Variants in ARHGAP22 observed in about 807,000 individuals in gnomAD.
ARHGAP22 encodes the protein rho GTPase-activating protein 22.
A neutral mutation model predicts 59.1 loss-of-function variants in ARHGAP22; 48 were observed. That is an observed-to-expected ratio of 0.81 (90% CI 0.64 to 1.03). The LOEUF (loss-of-function observed/expected upper bound fraction) is 1.03. Among genes scored for constraint, ARHGAP22 ranks in the 50% least tolerant of loss-of-function variants. The pLI, the probability that ARHGAP22 is intolerant of heterozygous loss-of-function variation, is 0.00. For missense variants in ARHGAP22, 1,015 were observed against 958.7 expected (o/e 1.06, Z -0.78); for synonymous variants, 445 against 416.4 (o/e 1.07, Z -0.84).
At chr10:48,461,485 CAG>C (rs1408567223) in intron 4 of ARHGAP22, among the ~76,000 whole-genome samples, 1 of 152,108 alleles carries the variant, frequency 6.6e-6, no homozygotes, top group African/African-American at 2.4e-5. Context: ...GAAAAGAAAT[CAG>C]AGAGAGAATG....
chr10:48,562,354 T>C (rs2057746755), intron 2 of ARHGAP22, among the ~76,000 whole-genome samples: 1 of 152,226 alleles, frequency 6.6e-6, no homozygotes, highest in Admixed American at 6.5e-5. Context: ...CATTGCAGTT[T>C]TATTTCTAAT....
intron 1 of ARHGAP22, among the ~76,000 whole-genome samples, chr10:48,588,317 T>A (rs752572790): frequency 1.3e-5 from 2 of 152,164 alleles, no homozygotes; most frequent in Non-Finnish European, 2.9e-5. Flanking sequence ...AGGAAGCACT[T>A]CCTGCAGATG....
At chr10:48,431,539 T>G in the ARHGAP22 span, among the ~76,000 whole-genome samples, 1 of 152,242 alleles carries the variant, frequency 6.6e-6, no homozygotes, top group African/African-American at 2.4e-5. Flanking sequence ...TTGCTGGGTC[T>G]TTAAAGAGGA....
intron 1 of ARHGAP22, among the ~76,000 whole-genome samples, chr10:48,635,381 C>G (rs2061775869): frequency 6.6e-6 from 1 of 152,228 alleles, no homozygotes; most frequent in Admixed American, 6.5e-5. Context: ...TAACTTGTCC[C>G]AGCCCCTTGG....
rs372116980 is a variant in ARHGAP22, at chr10:48,547,463, T to C, written c.322+8000A>G. 4.6e-5 allele frequency among the ~76,000 whole-genome samples: 7 copies of C among 152,300 alleles called. No homozygotes were observed. The East Asian group carries it at 1.2e-3, about 25-fold the overall frequency. On this transcript the variant is annotated intron_variant, in intron 3 of 9. Transcript: ENST00000249601. ...GGGAGGGAAGGAGCATGGACCTCTG[T>C]GGGAGAGCAGAGAGCTTGCCAGGCC... is the stretch of plus-strand genomic sequence containing the variant.
chr10:48,550,479 G>A lies in ARHGAP22; in HGVS notation c.322+4984C>T, dbSNP rs181382716. The stretch of plus-strand genomic sequence containing the variant: ...CTCTCTTGCTCCGAGGTGTAGCCAT[G>A]CAACTGCATTCTGGCCAATGGGCTG... On this transcript the variant is annotated intron_variant, in intron 3 of 9. Transcript: ENST00000249601. 3.1e-4 allele frequency among the ~76,000 whole-genome samples: 47 copies of A among 152,344 alleles called. 1 individual carries two copies. The highest frequency in any genetic ancestry group is 1.0e-3 in the African/African-American group (43 of 41,582).
chr10:48,514,619 G>C (rs939773627), intron 3 of ARHGAP22, among the ~76,000 whole-genome samples: 3 of 152,050 alleles, frequency 2.0e-5, no homozygotes, highest in Admixed American at 2.0e-4. Context: ...AAAATAAAAG[G>C]ACATTAGATG....
intron 9 of ARHGAP22, among the ~76,000 whole-genome samples, chr10:48,449,501 T>C (rs1384008053): frequency 6.6e-6 from 1 of 152,188 alleles, no homozygotes; most frequent in Non-Finnish European, 1.5e-5. Flanking sequence ...TCCACCTCCA[T>C]CCACTGCCTC....
intron 1 of ARHGAP22, among the ~76,000 whole-genome samples, chr10:48,644,833 T>C (rs1258315671): frequency 6.6e-6 from 1 of 151,994 alleles, no homozygotes; most frequent in Non-Finnish European, 1.5e-5. Context: ...CTCAAATCAA[T>C]AAGCTAAGCT....
upstream of ARHGAP22, chr10:48,605,204 G>A (rs2060619416): frequency 1.9e-6 from 2 of 1,037,522 alleles, no homozygotes; most frequent in African/African-American, 3.4e-5. Context: ...TGGCCCGGGA[G>A]AGGGTACTGG....
At chr10:48,433,745 T>G in the ARHGAP22 span, among the ~76,000 whole-genome samples, 1 of 152,202 alleles carries the variant, frequency 6.6e-6, no homozygotes, top group South Asian at 2.1e-4. Flanking sequence ...TTGAAGTGTT[T>G]CATTGCTCAT....
At chr10:48,527,497 A>G (rs534206967) in intron 3 of ARHGAP22, among the ~76,000 whole-genome samples, 205 of 151,562 alleles carry the variant, frequency 1.4e-3, no homozygotes, top group African/African-American at 4.7e-3. Context: ...GGTTGGTTGG[A>G]TGGAGGTGTG....
intron 3 of ARHGAP22, among the ~76,000 whole-genome samples, chr10:48,554,629 C>T (rs959923804): frequency 5.6e-5 from 8 of 143,344 alleles, no homozygotes; most frequent in African/African-American, 7.5e-5. Flanking sequence ...CTAGAAATGT[C>T]GGTTACTCCC....
chr10:48,484,676 T>C (rs1210035934), intron 3 of ARHGAP22, among the ~76,000 whole-genome samples: 3 of 152,246 alleles, frequency 2.0e-5, no homozygotes, highest in African/African-American at 4.8e-5. Context: ...TATTTCTTCT[T>C]GAGTAAACTT....
chr10:48,612,561 C>T (rs1440777472), intron 1 of ARHGAP22, among the ~76,000 whole-genome samples: 1 of 152,214 alleles, frequency 6.6e-6, no homozygotes, highest in Non-Finnish European at 1.5e-5. Flanking sequence ...GGTGTCCTCC[C>T]CAGGCTCTTC....
At chr10:48,622,678 T>C (rs2061324232) in intron 1 of ARHGAP22, among the ~76,000 whole-genome samples, 1 of 152,222 alleles carries the variant, frequency 6.6e-6, no homozygotes, top group South Asian at 2.1e-4. Flanking sequence ...CCACTTTATC[T>C]CTTTGTGCCT....
chr10:48,501,751 AAAG>A (rs1403671460), intron 3 of ARHGAP22, among the ~76,000 whole-genome samples: 1 of 152,150 alleles, frequency 6.6e-6, no homozygotes, highest in Non-Finnish European at 1.5e-5. Context: ...AAAAAAAAAA[AAAG>A]AAGGTGGTGA....
At chr10:48,559,784 T>G (rs1438151894) in intron 2 of ARHGAP22, among the ~76,000 whole-genome samples, 1 of 152,212 alleles carries the variant, frequency 6.6e-6, no homozygotes, top group African/African-American at 2.4e-5. Context: ...TAACCCAATA[T>G]GTCAAAAAAT....
intron 3 of ARHGAP22, among the ~76,000 whole-genome samples, chr10:48,539,493 G>A (rs916407453): frequency 4.6e-5 from 7 of 151,004 alleles, no homozygotes; most frequent in Non-Finnish European, 1.5e-5. Flanking sequence ...GGGTTTCACC[G>A]TTTTAGCCGG....
Sources: gnomAD v4.1 joint callset for allele counts (sites outside exome capture counted in the v4.1 genomes callset) on GRCh38, gnomAD v4.1.1 for gene constraint, MANE v1.5 for transcripts, NCBI Gene and HGNC (gene_info 2026-07-23, HGNC 2026-07-21) for gene names.